The following HLCS variants were observed in gnomAD, a reference collection of about 807,000 sequenced individuals.
The protein encoded by HLCS is holocarboxylase synthetase.
HLCS carries 53 observed loss-of-function variants against 75.0 expected under a neutral mutation model. The ratio of observed to expected loss-of-function variants is 0.71; its 90% CI spans 0.57 to 0.89. The LOEUF (loss-of-function observed/expected upper bound fraction) is 0.89, where lower values mean the gene tolerates loss of function less well. Ranked by LOEUF, HLCS falls within the 40% of genes least tolerant of loss-of-function variation. The pLI is 0.00. For synonymous variants in HLCS, 431 were observed against 428.6 expected, an observed-to-expected ratio of 1.01 and a Z score of -0.07; for missense variants, 966 against 1,074.0, an observed-to-expected ratio of 0.90 and a Z score of 1.41.
chr21:36,754,950 G>A lies in HLCS; in HGVS notation c.2451-533C>T, dbSNP rs193153687. 2.4e-3 allele frequency among the ~76,000 whole-genome samples: 359 copies of A among 152,254 alleles called. 1 individual carries two copies. Among genetic ancestry groups the A allele is most frequent in the Middle Eastern group, 6.8e-3 (2 of 294 alleles). The stretch of plus-strand genomic sequence containing the variant: ...AATTTTCTCAAGTTTTTATTTTGAA[G>A]AATTTTAAATCTAAAGAAAAGCTGA... On this transcript the variant is annotated intron_variant, in intron 10 of 10. Coordinates refer to ENST00000674895, the MANE Select transcript of HLCS (RefSeq NM_001352514.2).
At chr21:36,898,868 C>T (rs1165235671) in intron 5 of HLCS, among the ~76,000 whole-genome samples, 3 of 152,060 alleles carry the variant, frequency 2.0e-5, no homozygotes, top group African/African-American at 7.2e-5. Context: ...TGAGACCAGC[C>T]TGGGCAACAT....
At chr21:36,981,395 C>CTTTTTT (rs11328067) in intron 1 of HLCS, among the ~76,000 whole-genome samples, 51 of 91,304 alleles carry the variant, frequency 5.6e-4, no homozygotes, top group East Asian at 1.1e-3. Context: ...CTTAACCTTC[C>CTTTTTT]TTTTTTTTTT....
intron 6 of HLCS, among the ~76,000 whole-genome samples, chr21:36,862,743 G>A (rs773978416): frequency 4.6e-5 from 7 of 151,996 alleles, no homozygotes; most frequent in South Asian, 2.1e-4. Flanking sequence ...CGCTGCTCTC[G>A]CATGGCTGAT....
At position 36,762,545 on chromosome 21, in the gene HLCS, G is replaced by T. The variant is rs57661928; in HGVS notation, c.2121+2467C>A. 2.0e-5 allele frequency among the ~76,000 whole-genome samples: 3 copies of T among 152,212 alleles called. No homozygotes were observed. The East Asian group carries it at 5.8e-4, about 29-fold the overall frequency. On this transcript the variant is annotated intron_variant, in intron 8 of 10. Coordinates refer to ENST00000674895, the MANE Select transcript of HLCS (RefSeq NM_001352514.2). Reference sequence around the variant, plus strand: ...GACGGTGACATCTGGTTAGGGACCAGTTGGGGTCCTAGTGAAGGCCACACA... The same window carrying T: ...GACGGTGACATCTGGTTAGGGACCATTTGGGGTCCTAGTGAAGGCCACACA...
At chr21:36,811,411 G>T (rs2061506143) in intron 6 of HLCS, among the ~76,000 whole-genome samples, 1 of 152,200 alleles carries the variant, frequency 6.6e-6, no homozygotes, top group Non-Finnish European at 1.5e-5. Context: ...CCTACTGCAG[G>T]ACAGGTGAGG....
intron 6 of HLCS, among the ~76,000 whole-genome samples, chr21:36,895,120 TTCCCAG>T (rs2064961943): frequency 1.3e-5 from 2 of 152,082 alleles, no homozygotes; most frequent in Admixed American, 6.6e-5. Flanking sequence ...ACTTCCAAGG[TTCCCAG>T]GTGGCAATGA....
At chr21:36,984,103 C>T (rs1052598038) in intron 1 of HLCS, among the ~76,000 whole-genome samples, 1 of 152,028 alleles carries the variant, frequency 6.6e-6, no homozygotes, top group African/African-American at 2.4e-5. Flanking sequence ...CCTCACAAAG[C>T]CCTAGAATCA....
intron 6 of HLCS, among the ~76,000 whole-genome samples, chr21:36,883,167 G>C (rs1018687396): frequency 6.6e-6 from 1 of 152,212 alleles, no homozygotes; most frequent in Non-Finnish European, 1.5e-5. Context: ...TCAGAGCTCA[G>C]AAGGTGTTTT....
At chr21:36,934,326 C>T (rs1350658329) in intron 4 of HLCS, among the ~76,000 whole-genome samples, 2 of 152,146 alleles carry the variant, frequency 1.3e-5, no homozygotes, top group African/African-American at 4.8e-5. Flanking sequence ...ATTCCGCAGC[C>T]GAAAATGCAC....
At chr21:36,818,989 C>T (rs570364871) in intron 6 of HLCS, among the ~76,000 whole-genome samples, 11 of 152,132 alleles carry the variant, frequency 7.2e-5, no homozygotes, top group East Asian at 5.8e-4. Flanking sequence ...AGACTGACTG[C>T]GACAAATTAT....
Position 36,930,347 on chromosome 21 carries a change from G to T in HLCS, c.1524C>A (p.Tyr508Ter). The change falls in exon 5 of 11, where the codon TAC becomes TAA. Residue 508 changes from tyrosine to a stop codon, truncating the protein, a stop_gained. Coordinates refer to ENST00000674895, the MANE Select transcript of HLCS (RefSeq NM_001352514.2). LOFTEE classifies it high-confidence loss of function. ...NLLKSSNFRR[Y>*]EVLREILTTL... ...TTGTCAGAATCTCTCTAAGGACTTC[G>T]TATCTTCTAAAATTGCTTGACTTGA... 6.2e-7 allele frequency: 1 copy of T among 1,613,922 alleles called. No homozygotes were observed.
At chr21:36,927,743 C>T (rs2066468881) in intron 5 of HLCS, among the ~76,000 whole-genome samples, 2 of 152,122 alleles carry the variant, frequency 1.3e-5, no homozygotes, top group South Asian at 4.1e-4. Flanking sequence ...AAAATTAAAT[C>T]TCTGAAGAAC....
At chr21:36,927,109 T>C (rs1281185357) in intron 5 of HLCS, among the ~76,000 whole-genome samples, 1 of 152,218 alleles carries the variant, frequency 6.6e-6, no homozygotes, top group East Asian at 1.9e-4. Flanking sequence ...TTTTATGGTT[T>C]AACTTTTTGT....
At position 36,989,457 on chromosome 21, in the gene HLCS, G is replaced by A. The variant is rs149936888; in HGVS notation, c.-393+701C>T. 9.3e-5 allele frequency among the ~76,000 whole-genome samples: 14 copies of A among 151,346 alleles called. No homozygotes were observed. The East Asian group carries it at 2.7e-3, about 29-fold the overall frequency. ...TCCTGCCTCAGCCTCCTGAGTAGCTGGGATTACAGGAGCACCACCAGCAGC... is the reference window on the plus strand; with the variant it reads ...TCCTGCCTCAGCCTCCTGAGTAGCTAGGATTACAGGAGCACCACCAGCAGC... On this transcript the variant is annotated intron_variant, in intron 1 of 11. Transcript: ENST00000336648.
chr21:36,811,806 T>C (rs2061518513), intron 6 of HLCS, among the ~76,000 whole-genome samples: 1 of 152,188 alleles, frequency 6.6e-6, no homozygotes, highest in South Asian at 2.1e-4. Flanking sequence ...TTGAACACGA[T>C]GCCTGCAGAT....
At chr21:36,769,525 T>A (rs1568982452) in intron 6 of HLCS, among the ~76,000 whole-genome samples, 1 of 152,212 alleles carries the variant, frequency 6.6e-6, no homozygotes, top group Non-Finnish European at 1.5e-5. Context: ...GGTTCCATAA[T>A]GATTACCTCC....
At position 36,752,638 on chromosome 21, in the gene HLCS, TTG is replaced by T. The variant is rs2089412089; in HGVS notation, c.*1606_*1607del. 1 of 152,560 alleles carries T rather than the reference TTG, an allele frequency of 6.6e-6. No individual in the cohort carries two copies. The highest frequency in any genetic ancestry group is 1.5e-5 in the Non-Finnish European group (1 of 68,036). The allele number at this position is 152,560 out of a possible 1,614,324, so 9.5% of individuals were successfully genotyped here. A position where few individuals can be genotyped will look rare whatever the true frequency, so the allele number is the denominator to read the frequency against. ...GGCATTTGGAGAAGAGTGGTTTTTT[TTG>T]TGTTTTTTGTTTGTTTGTTTTTTGA... On this transcript the variant is annotated 3_prime_UTR_variant, in exon 11 of 11. Transcript: ENST00000674895.
At chr21:36,824,045 C>T (rs573815474) in intron 6 of HLCS, among the ~76,000 whole-genome samples, 5 of 152,144 alleles carry the variant, frequency 3.3e-5, no homozygotes, top group East Asian at 1.9e-4. Context: ...TTTGGGAGGC[C>T]GAGGCAGGCG....
At position 36,749,100 on chromosome 21, in the gene HLCS, C is replaced by T. The variant is rs1233276916; in HGVS notation, c.*5146G>A. On this transcript the variant is annotated 3_prime_UTR_variant, in exon 11 of 11. Transcript: ENST00000674895. ...CATTTTCTACACAGCGAGAAAACTT[C>T]GTAAGAACATGTTACGTGTGCAACA... The T allele has an allele frequency of 2.0e-5, 3 of 152,638 alleles. No homozygotes were observed. Among genetic ancestry groups the T allele is most frequent in the Non-Finnish European group, 2.9e-5 (2 of 68,022 alleles). 9.5% of individuals were successfully genotyped at this position (152,638 alleles called of 1,614,324 possible).
Sources: gnomAD v4.1 joint callset for allele counts (sites outside exome capture counted in the v4.1 genomes callset) on GRCh38, gnomAD v4.1.1 for gene constraint, MANE v1.5 for transcripts, NCBI Gene and HGNC (gene_info 2026-07-23, HGNC 2026-07-21) for gene names.